PIEZO2: variants seen among roughly 807,000 people sequenced by gnomAD.
The protein encoded by PIEZO2 is piezo-type mechanosensitive ion channel component 2.
PIEZO2 carries 172 observed loss-of-function variants against 337.3 expected under a neutral mutation model. The observed-to-expected ratio is 0.51, with a 90% CI of 0.45 to 0.58. The LOEUF (loss-of-function observed/expected upper bound fraction) is 0.58, where lower values mean the gene tolerates loss of function less well. Ranked by LOEUF, PIEZO2 falls within the 20% of genes least tolerant of loss-of-function variation. The pLI is 0.00. For synonymous variants in PIEZO2, 1,251 were observed against 1,228.5 expected, an observed-to-expected ratio of 1.02 and a Z score of -0.38; for missense variants, 3,028 against 3,391.3, an observed-to-expected ratio of 0.89 and a Z score of 2.66.
chr18:11,063,026 A>C (rs2038023370), intron 2 of PIEZO2, among the ~76,000 whole-genome samples: 1 of 152,182 alleles, frequency 6.6e-6, no homozygotes, highest in Non-Finnish European at 1.5e-5. Context: ...TCCAACAATG[A>C]TAGACTGGAT....
chr18:10,810,238 C>G (rs1219731424), intron 7 of PIEZO2, among the ~76,000 whole-genome samples: 1 of 152,124 alleles, frequency 6.6e-6, no homozygotes, highest in East Asian at 1.9e-4. Context: ...CTCACAGATT[C>G]TATTTCCCAA....
chr18:10,749,963 C>A (rs751162724), intron 29 of PIEZO2, 128 bp downstream of exon 29: 42 of 657,676 alleles, frequency 6.4e-5, no homozygotes, highest in Non-Finnish European at 9.1e-5. Flanking sequence ...AGTTCTACAG[C>A]CTCCATCTGG....
intron 7 of PIEZO2, among the ~76,000 whole-genome samples, chr18:10,844,359 G>T (rs1159704096): frequency 6.6e-6 from 1 of 150,958 alleles, no homozygotes; most frequent in Non-Finnish European, 1.5e-5. Flanking sequence ...GGCGGGAGTT[G>T]CAGTGAGCCG....
Position 10,909,842 on chromosome 18 carries a change from G to C in PIEZO2, c.329+1344C>G, listed in dbSNP as rs1210704823. Among the ~76,000 whole-genome samples, 4 of 152,176 alleles carry C rather than the reference G, an allele frequency of 2.6e-5. No homozygotes were observed. The East Asian group carries it at 7.7e-4, about 29-fold the overall frequency. ...TCTTTTAAGTTGGCCTATGGGATCT[G>C]ACCACCCCAAATCAACTTCCCGCAA... On this transcript the variant is annotated intron_variant, in intron 4 of 55. Coordinates refer to ENST00000674853, the MANE Select transcript of PIEZO2 (RefSeq NM_001378183.1).
intron 2 of PIEZO2, among the ~76,000 whole-genome samples, chr18:11,053,641 A>T (rs1222127492): frequency 6.6e-6 from 1 of 152,188 alleles, no homozygotes; most frequent in Non-Finnish European, 1.5e-5. Flanking sequence ...ATCTGTTTCA[A>T]TCCAAATAAA....
intron 45 of PIEZO2, 25 bp downstream of exon 45, chr18:10,697,723 A>T (rs1383375811): frequency 6.2e-7 from 1 of 1,609,304 alleles, no homozygotes; most frequent in East Asian, 2.2e-5. Flanking sequence ...TAAAGCACAC[A>T]TGCCATATGT....
At position 11,069,819 on chromosome 18, in the gene PIEZO2, T is replaced by G. The variant is rs2038275390; in HGVS notation, c.65-3597A>C. Reference sequence around the variant, plus strand: ...AAATTGTTAGAACTAATTAATTCAGTAAAGTTTCAAAATACAAAATCAACA... The same window carrying G: ...AAATTGTTAGAACTAATTAATTCAGGAAAGTTTCAAAATACAAAATCAACA... On this transcript the variant is annotated intron_variant, in intron 1 of 55. Coordinates refer to ENST00000674853, the MANE Select transcript of PIEZO2 (RefSeq NM_001378183.1). This position sits in a 1 kb window ranked among gnomAD's most constrained non-coding sequence, Gnocchi z 4.9. Among the ~76,000 whole-genome samples, 1 of 152,302 alleles carries G rather than the reference T, an allele frequency of 6.6e-6. No individual in the cohort carries two copies. The highest frequency in any genetic ancestry group is 1.9e-4 in the East Asian group (1 of 5,188).
At chr18:11,011,506 T>C (rs1217160523) in intron 2 of PIEZO2, among the ~76,000 whole-genome samples, 1 of 152,214 alleles carries the variant, frequency 6.6e-6, no homozygotes, top group African/African-American at 2.4e-5. Flanking sequence ...TAGCTAATAA[T>C]GTCCTTATTA....
intron 2 of PIEZO2, among the ~76,000 whole-genome samples, chr18:11,024,247 G>GA (rs111362173): frequency 0.056 from 8,526 of 151,410 alleles, 717 homozygotes; most frequent in African/African-American, 0.18. Flanking sequence ...GTACTTGGCT[G>GA]AAAAAAAAAT....
intron 8 of PIEZO2, 51 bp from the exon 9 acceptor site, chr18:10,804,045 C>T: frequency 6.5e-7 from 1 of 1,526,744 alleles, no homozygotes. Context: ...GTTCCCTAGA[C>T]AGCCTGGGTG....
chr18:10,880,713 C>T (rs2042386681), intron 4 of PIEZO2, among the ~76,000 whole-genome samples: 1 of 151,470 alleles, frequency 6.6e-6, no homozygotes, highest in African/African-American at 2.4e-5. Flanking sequence ...TTTTGTTTGT[C>T]TTAAACTTAA....
chr18:10,777,660 A>G (rs1019024263), intron 18 of PIEZO2, among the ~76,000 whole-genome samples: 15 of 152,232 alleles, frequency 9.9e-5, no homozygotes, highest in African/African-American at 3.6e-4. Flanking sequence ...CTAGCATTGT[A>G]AAATCTCCTT....
Position 10,833,451 on chromosome 18 carries a change from G to T in PIEZO2, c.917+21902C>A, listed in dbSNP as rs1219625282. 6.6e-6 allele frequency among the ~76,000 whole-genome samples: 1 copy of T among 152,160 alleles called. No individual in the cohort carries two copies. The highest frequency in any genetic ancestry group is 1.5e-5 in the Non-Finnish European group (1 of 68,020). On this transcript the variant is annotated intron_variant, in intron 7 of 55. Transcript: ENST00000674853. This position sits in a 1 kb window ranked among gnomAD's most constrained non-coding sequence, Gnocchi z 4.7. ...GCCCCAGAACCCCTGGAATCTCCTG[G>T]GGCGGGGCTGAAGGTGGCAGAACAT...
chr18:10,932,512 CG>C (rs1415269888), intron 3 of PIEZO2, among the ~76,000 whole-genome samples: 2 of 152,286 alleles, frequency 1.3e-5, no homozygotes, highest in Admixed American at 1.3e-4. Flanking sequence ...ACTGTGTTTC[CG>C]GGGATGAGCA....
rs2034576190 is a variant in PIEZO2 at position 10,979,363 on chromosome 18, C to A, written c.286+172G>T. 2.0e-5 allele frequency among the ~76,000 whole-genome samples: 3 copies of A among 152,058 alleles called. No homozygotes were observed. The highest frequency in any genetic ancestry group is 1.3e-4 in the Admixed American group (2 of 15,272). On this transcript the variant is annotated intron_variant, in intron 3 of 55. Coordinates refer to ENST00000674853, the MANE Select transcript of PIEZO2 (RefSeq NM_001378183.1). The surrounding 1 kb of genome is among the most constrained non-coding windows in gnomAD (Gnocchi z 4.0). ...AATCTCATGATCCAATCTTCCATGG[C>A]AAAGCTTCTTTATATATATTTACAC...
In PIEZO2 at chr18:10,962,697, C is replaced by T. The variant is rs142400633; in HGVS notation, c.286+16838G>A. 7.5e-4 allele frequency among the ~76,000 whole-genome samples: 114 copies of T among 152,232 alleles called. No individual in the cohort carries two copies. Among genetic ancestry groups the T allele is most frequent in the African/African-American group, 2.5e-3 (105 of 41,520 alleles). ...CAAACTTTCAGTAGGCATCCTGAGA[C>T]GTAGTATCATCTCAGTTTTTTAATT... On this transcript the variant is annotated intron_variant, in intron 3 of 55. Transcript: ENST00000674853. This position sits in a 1 kb window ranked among gnomAD's most constrained non-coding sequence, Gnocchi z 4.1.
At chr18:10,978,261 G>A (rs374441449) in intron 3 of PIEZO2, among the ~76,000 whole-genome samples, 6 of 152,008 alleles carry the variant, frequency 3.9e-5, no homozygotes, top group East Asian at 1.9e-4. Flanking sequence ...GTGTGAACCC[G>A]GGAGGCAGAG....
intron 47 of PIEZO2, among the ~76,000 whole-genome samples, chr18:10,693,060 C>T (rs1468741329): frequency 2.0e-5 from 3 of 151,888 alleles, no homozygotes; most frequent in Non-Finnish European, 4.4e-5. Flanking sequence ...CTCAGCCATG[C>T]CTTTTATATT....
At chr18:11,138,825 T>C (rs1036574112) in intron 1 of PIEZO2, among the ~76,000 whole-genome samples, 7 of 152,290 alleles carry the variant, frequency 4.6e-5, no homozygotes, top group Non-Finnish European at 5.9e-5. Context: ...GGAGAAAAGA[T>C]GTCACGTTGT....
Sources: gnomAD v4.1 joint callset for allele counts (sites outside exome capture counted in the v4.1 genomes callset) on GRCh38, gnomAD v4.1.1 for gene constraint, Gnocchi (gnomAD v3.1) non-coding constraint, MANE v1.5 for transcripts, NCBI Gene and HGNC (gene_info 2026-07-23, HGNC 2026-07-21) for gene names.